ZNF665: variants seen among roughly 807,000 people sequenced by gnomAD.
ZNF665 encodes the protein zinc finger protein 665.
ZNF665 carries 6 observed loss-of-function variants against 7.9 expected under a neutral mutation model. That is an observed-to-expected ratio of 0.76 (90% CI 0.42 to 1.50). The LOEUF (loss-of-function observed/expected upper bound fraction) is 1.50. ZNF665 is among the 40% of genes most tolerant of loss of function. The pLI, the probability that ZNF665 is intolerant of heterozygous loss-of-function variation, is 0.01. For missense variants in ZNF665, 819 were observed against 806.7 expected, an observed-to-expected ratio of 1.02 and a Z score of -0.18; for synonymous variants, 242 against 274.5, an observed-to-expected ratio of 0.88 and a Z score of 1.17.
rs2090606784 is a variant in ZNF665, at chr19:53,165,671, T to C, written c.819A>G (p.Ala273=). 1 of 1,612,804 alleles carries C rather than the reference T, an allele frequency of 6.2e-7. No homozygotes were observed. Among genetic ancestry groups the C allele is most frequent in the African/African-American group, 1.3e-5 (1 of 74,526 alleles). ...KCNECGKAFR[A]HSKLTTHQVI... The stretch of plus-strand genomic sequence containing the variant: ...CCTGATGTGTAGTTAGTTTTGAATG[T>C]GCTCTAAAGGCTTTGCCACACTCAT... The change falls in exon 4 of 4, where the codon GCA becomes GCG. Residue 273 remains alanine (A), a synonymous_variant. Transcript: ENST00000396424.
Position 53,163,771 on chromosome 19 carries a change from T to G in ZNF665, c.*682A>C, listed in dbSNP as rs950750608. ...ATGAGTTTTAACACATTTGGACTTCTGATTATGCTGAAGTATATAATATCA... is the reference window on the plus strand; with the variant it reads ...ATGAGTTTTAACACATTTGGACTTCGGATTATGCTGAAGTATATAATATCA... On this transcript the variant is annotated 3_prime_UTR_variant, in exon 4 of 4. Coordinates refer to ENST00000396424, the MANE Select transcript of ZNF665 (RefSeq NM_024733.5). The G allele has an allele frequency of 1.3e-5, 2 of 152,262 alleles. No homozygotes were observed. Among genetic ancestry groups the G allele is most frequent in the Non-Finnish European group, 2.9e-5 (2 of 68,056 alleles). The allele number at this position is 152,262 out of a possible 1,614,324, so 9.4% of individuals were successfully genotyped here. A position where few individuals can be genotyped will look rare whatever the true frequency, so the allele number is the denominator to read the frequency against.
chr19:53,175,605 T>C (rs1328113485), intron 2 of ZNF665, 34 bp from the exon 3 acceptor site: 1 of 1,570,800 alleles, frequency 6.4e-7, no homozygotes, highest in Non-Finnish European at 8.6e-7. Flanking sequence ...CAAGTGACTA[T>C]GAGGAAAATT....
At position 53,166,275 on chromosome 19, in the gene ZNF665, G is replaced by A. The variant is rs545877487; in HGVS notation, c.215C>T (p.Thr72Met). Residue 72 changes from threonine (T) to methionine (M), a missense_variant, in exon 4 of 4, where the codon ACG becomes ATG. Coordinates refer to ENST00000396424, the MANE Select transcript of ZNF665 (RefSeq NM_024733.5). ...GCTTTCAAGTCTCTCCAACTTCACC[G>A]TGTAGAACGCTTCTCCCATATTGTT... ...GKNNMGEAFY[T>M]VKLERLESCD... The A allele has an allele frequency of 4.5e-5, 73 of 1,612,540 alleles. No homozygotes were observed. In the East Asian group the frequency reaches 1.2e-3, roughly 28 times the overall value.
intron 3 of ZNF665, among the ~76,000 whole-genome samples, chr19:53,167,084 C>T (rs1433255181): frequency 6.6e-6 from 1 of 152,100 alleles, no homozygotes; most frequent in African/African-American, 2.4e-5. Flanking sequence ...TCACCGCAAC[C>T]TCCGCCTCCC....
At chr19:53,190,371 C>G (rs2090808067) in intron 1 of ZNF665, 1 of 152,238 alleles carries the variant, frequency 6.6e-6, no homozygotes, top group African/African-American at 2.4e-5. Context: ...TCACACTCAA[C>G]CCAGAATACT....
At chr19:53,166,378 G>A (rs751492177) in intron 3 of ZNF665, 31 bp from the exon 4 acceptor site, 1 of 1,499,128 alleles carries the variant, frequency 6.7e-7, no homozygotes, top group Non-Finnish European at 8.9e-7. Context: ...TAGATTTCCA[G>A]TTAACTATAG....
chr19:53,174,871 G>C lies in ZNF665; in HGVS notation c.142+574C>G, dbSNP rs545392017. On this transcript the variant is annotated intron_variant, in intron 3 of 3. Coordinates refer to ENST00000396424, the MANE Select transcript of ZNF665 (RefSeq NM_024733.5). ...GGAGAATCGCTTGAACTCAGGAGGC[G>C]GTAGTTGCGGTTGCAGTGATCCGAG... Among the ~76,000 whole-genome samples, 35 of 151,350 alleles carry C rather than the reference G, an allele frequency of 2.3e-4. 1 individual carries two copies. In the East Asian group the frequency reaches 5.1e-3, roughly 22 times the overall value.
intron 3 of ZNF665, among the ~76,000 whole-genome samples, chr19:53,175,095 C>T (rs1315963384): frequency 2.0e-5 from 3 of 152,118 alleles, no homozygotes; most frequent in African/African-American, 4.8e-5. Context: ...AGTTGATCCA[C>T]GGAATGCCTC....
intron 1 of ZNF665, among the ~76,000 whole-genome samples, chr19:53,183,492 C>T (rs1159943690): frequency 6.6e-6 from 1 of 152,126 alleles, no homozygotes; most frequent in Non-Finnish European, 1.5e-5. Context: ...TTGAGCTCCA[C>T]TGAGAGGGGC....
At chr19:53,182,718 C>CA in intron 2 of ZNF665, 166 bp downstream of exon 2, 1 of 1,287,864 alleles carries the variant, frequency 7.8e-7, no homozygotes, top group African/African-American at 1.5e-5. Flanking sequence ...ACTGGGTCAC[C>CA]AGAGATGGAA....
chr19:53,174,858 G>A (rs2090684161), intron 3 of ZNF665, among the ~76,000 whole-genome samples: 1 of 150,176 alleles, frequency 6.7e-6, no homozygotes, highest in Non-Finnish European at 1.5e-5. Context: ...AGAATCGCTT[G>A]AACTCAGGAG....
intron 1 of ZNF665, among the ~76,000 whole-genome samples, chr19:53,184,258 A>G (rs2090760305): frequency 6.6e-6 from 1 of 152,200 alleles, no homozygotes; most frequent in African/African-American, 2.4e-5. Context: ...TCAAAAAAAA[A>G]GACTAGAAGA....
intron 1 of ZNF665, among the ~76,000 whole-genome samples, chr19:53,190,852 T>C (rs562031633): frequency 6.6e-6 from 1 of 152,322 alleles, no homozygotes; most frequent in South Asian, 2.1e-4. Flanking sequence ...GAGAATTGCT[T>C]GAGCCCAGGA....
chr19:53,182,762 C>A (rs1278807175), intron 2 of ZNF665, 122 bp downstream of exon 2: 4 of 1,500,606 alleles, frequency 2.7e-6, no homozygotes, highest in Non-Finnish European at 3.7e-6. Flanking sequence ...AGGGAAGGCA[C>A]GAGTGAGTGC....
intron 3 of ZNF665, among the ~76,000 whole-genome samples, chr19:53,171,522 A>ATTTTTT (rs1271373888): frequency 1.2e-4 from 9 of 75,380 alleles, no homozygotes; most frequent in African/African-American, 4.8e-4. Context: ...ATATATATAT[A>ATTTTTT]TATTTTTTTT....
At chr19:53,190,929 G>A (rs909980163) in intron 1 of ZNF665, among the ~76,000 whole-genome samples, 9 of 138,532 alleles carry the variant, frequency 6.5e-5, no homozygotes, top group South Asian at 2.1e-4. Context: ...GCAAGACTCC[G>A]TCTCAAAAAC....
Position 53,164,133 on chromosome 19 carries a change from C to CTTTTTTTTTTTTTTT in ZNF665, c.*305_*319dup, listed in dbSNP as rs35735454. On this transcript the variant is annotated 3_prime_UTR_variant, in exon 4 of 4. Transcript: ENST00000396424. The stretch of plus-strand genomic sequence containing the variant: ...CTGGCCGCACTCCTTTGTAAGGTTA[C>CTTTTTTTTTTTTTTT]TTTTTTTTTTTTTTTTTTTTTGGAG... 9.6e-6 allele frequency: 1 copy of CTTTTTTTTTTTTTTT among 104,628 alleles called. No homozygotes were observed. The highest frequency in any genetic ancestry group is 3.3e-5 in the African/African-American group (1 of 30,394). The allele number at this position is 104,628 out of a possible 1,614,324, so 6.5% of individuals were successfully genotyped here.
intron 2 of ZNF665, among the ~76,000 whole-genome samples, chr19:53,179,404 CTATGAGTT>C (rs1442934428): frequency 1.5e-4 from 21 of 143,578 alleles, no homozygotes; most frequent in African/African-American, 5.3e-4. Flanking sequence ...AAAAAAGTGG[CTATGAGTT>C]TATGAGTTTT....
At position 53,165,746 on chromosome 19, in the gene ZNF665, G is replaced by A; in HGVS notation, c.744C>T (p.Asn248=). ...TATGAATTCTCTGATGACCTGCAAG[G>A]TTTGAAGGTTGACTGAAGACCTTTC... ...ECGKVFSQPS[N]LAGHQRIHTG... Residue 248 remains asparagine (N), a synonymous_variant, in exon 4 of 4, where the codon AAC becomes AAT. Transcript: ENST00000396424. 1 of 1,614,058 alleles carries A rather than the reference G, an allele frequency of 6.2e-7. No individual in the cohort carries two copies. The highest frequency in any genetic ancestry group is 8.5e-7 in the Non-Finnish European group (1 of 1,180,002).
Sources: allele counts gnomAD v4.1 joint callset (sites outside exome capture counted in the v4.1 genomes callset), GRCh38; gene constraint gnomAD v4.1.1; transcripts MANE v1.5; gene names NCBI Gene and HGNC (gene_info 2026-07-23, HGNC 2026-07-21).